The following IBA57 variants were observed in gnomAD, a reference collection of about 807,000 sequenced individuals.
IBA57 encodes the protein iron-sulfur cluster assembly factor IBA57, also known as iron-sulfur cluster assembly factor IBA57, mitochondrial.
In IBA57, 20 loss-of-function variants were observed where a neutral mutation model predicts 20.4. The observed-to-expected ratio is 0.98, with a 90% CI of 0.69 to 1.42. The LOEUF (loss-of-function observed/expected upper bound fraction) is 1.42. Ranked by LOEUF, IBA57 falls within the 40% of genes most tolerant of loss-of-function variation. The pLI is 0.00. For synonymous variants in IBA57, 310 were observed against 233.9 expected, an observed-to-expected ratio of 1.33 and a Z score of -2.97; for missense variants, 608 against 499.3, an observed-to-expected ratio of 1.22 and a Z score of -2.07.
In IBA57 at chr1:228,166,061, G is replaced by T; in HGVS notation, c.245G>T (p.Ser82Ile). The T allele has an allele frequency of 6.5e-7, 1 of 1,538,056 alleles. No individual in the cohort carries two copies. The stretch of plus-strand genomic sequence containing the variant: ...CTGACCAATGAACTGCCGCTTCCGA[G>T]TCCTGCGGCCGCGGGGGCCCCGCCT... The part of the protein sequence containing the change: ...GLLTNELPLP[S>I]PAAAGAPPAA... The change falls in exon 1 of 3, where the codon AGT becomes ATT. Residue 82 changes from serine to isoleucine, a missense_variant. By Grantham distance (142) the Ser-to-Ile change is moderately radical. Coordinates refer to ENST00000366711, the MANE Select transcript of IBA57 (RefSeq NM_001010867.4).
At chr1:228,169,728 A>C (rs1183888609) in intron 1 of IBA57, among the ~76,000 whole-genome samples, 1 of 152,132 alleles carries the variant, frequency 6.6e-6, no homozygotes, top group Non-Finnish European at 1.5e-5. Flanking sequence ...GCCACCACTG[A>C]TGTTTTCAGT....
chr1:228,175,221 A>G lies in IBA57; in HGVS notation c.779A>G (p.Tyr260Cys), dbSNP rs756731548. Residue 260 changes from tyrosine (Y) to cysteine (C), a missense_variant, in exon 3 of 3, where the codon TAC (tyrosine) becomes TGC (cysteine). Physicochemically the swap from Tyr to Cys is radical, Grantham distance 194 (BLOSUM62 -2). Coordinates refer to ENST00000366711, the MANE Select transcript of IBA57 (RefSeq NM_001010867.4). ...GGCGTGAGCTTCACCAAAGGCTGCT[A>G]CATTGGCCAGGAGCTGACGGCCCGC... The part of the protein sequence containing the change: ...MNGVSFTKGC[Y>C]IGQELTARTH... 5 of 1,612,848 alleles carry G rather than the reference A, an allele frequency of 3.1e-6. No individual in the cohort carries two copies. In the South Asian group the frequency reaches 4.4e-5, roughly 14 times the overall value.
Position 228,176,857 on chromosome 1 carries a change from A to T in IBA57, c.*1344A>T, listed in dbSNP as rs4653914. ...GACGGGAGGAAGCGGCTGCAGCTGG[A>T]GGGAAGAGAGGGGCCGTCCAGCCTC... On this transcript the variant is annotated 3_prime_UTR_variant, in exon 3 of 3. Transcript: ENST00000366711. 9,905 of 152,506 alleles carry T rather than the reference A, an allele frequency of 0.065. 410 individuals are homozygous for T. The highest frequency in any genetic ancestry group is 0.2 in the East Asian group (1,027 of 5,170). 9.4% of individuals were successfully genotyped at this position (152,506 alleles called of 1,614,324 possible).
rs1022948637 is a variant in IBA57 at position 228,182,094 on chromosome 1, G to A, written c.*6581G>A. 6.6e-6 allele frequency: 1 copy of A among 152,164 alleles called. No homozygotes were observed. The highest frequency in any genetic ancestry group is 1.5e-5 in the Non-Finnish European group (1 of 68,040). 9.4% of individuals were successfully genotyped at this position (152,164 alleles called of 1,614,324 possible). A position where few individuals can be genotyped will look rare whatever the true frequency, so the allele number is the denominator to read the frequency against. On this transcript the variant is annotated 3_prime_UTR_variant, in exon 3 of 3. Coordinates refer to ENST00000366711, the MANE Select transcript of IBA57 (RefSeq NM_001010867.4). ...TTTTGTTTTATGTCAGACTCTCTCA[G>A]TGAGAAGTTCTCAGGGACAATAATA... is the stretch of plus-strand genomic sequence containing the variant.
Position 228,177,090 on chromosome 1 carries a change from C to T in IBA57, c.*1577C>T, listed in dbSNP as rs1264235615. On this transcript the variant is annotated 3_prime_UTR_variant, in exon 3 of 3. Transcript: ENST00000366711. Reference sequence around the variant, plus strand: ...AACTGGCATGGAGACATTTGATCAGCTTCCCAGCCAGTTTTCTCTCCAGCT... The same window carrying T: ...AACTGGCATGGAGACATTTGATCAGTTTCCCAGCCAGTTTTCTCTCCAGCT... The T allele has an allele frequency of 1.3e-5, 2 of 152,330 alleles. No individual in the cohort carries two copies. Among genetic ancestry groups the T allele is most frequent in the African/African-American group, 4.8e-5 (2 of 41,480 alleles). 9.4% of individuals were successfully genotyped at this position (152,330 alleles called of 1,614,324 possible).
At position 228,170,121 on chromosome 1, in the gene IBA57, G is replaced by C. The variant is rs1024768644; in HGVS notation, c.341+3964G>C. ...ACTGACCTCATGATCCGCCCGCCTCGGCCTCCCAAAGTGCTGGGATTACAG... is the reference window on the plus strand; with the variant it reads ...ACTGACCTCATGATCCGCCCGCCTCCGCCTCCCAAAGTGCTGGGATTACAG... On this transcript the variant is annotated intron_variant, in intron 1 of 2. Coordinates refer to ENST00000366711, the MANE Select transcript of IBA57 (RefSeq NM_001010867.4). The surrounding 1 kb of genome is among the most constrained non-coding windows in gnomAD (Gnocchi z 4.8). Among the ~76,000 whole-genome samples, 1 of 152,018 alleles carries C rather than the reference G, an allele frequency of 6.6e-6. No homozygotes were observed. The highest frequency in any genetic ancestry group is 2.4e-5 in the African/African-American group (1 of 41,396).
intron 1 of IBA57, 42 bp from the exon 2 acceptor site, chr1:228,174,650 C>T: frequency 6.8e-7 from 1 of 1,471,646 alleles, no homozygotes; most frequent in Non-Finnish European, 9.0e-7. Context: ...CTGGCCCACT[C>T]AGTTGGTGAG....
At position 228,170,376 on chromosome 1, in the gene IBA57, A is replaced by G. The variant is rs972572362; in HGVS notation, c.341+4219A>G. Among the ~76,000 whole-genome samples the G allele has an allele frequency of 1.5e-4, 23 of 152,118 alleles. No individual in the cohort carries two copies. Among genetic ancestry groups the G allele is most frequent in the African/African-American group, 5.6e-4 (23 of 41,420 alleles). On this transcript the variant is annotated intron_variant, in intron 1 of 2. Coordinates refer to ENST00000366711, the MANE Select transcript of IBA57 (RefSeq NM_001010867.4). This position sits in a 1 kb window ranked among gnomAD's most constrained non-coding sequence, Gnocchi z 4.8. ...GACACAGGGTCTCGCTCCATTGCCCAGGCTGGAGTGCAGTGGCACAGTTGT... is the reference window on the plus strand; with the variant it reads ...GACACAGGGTCTCGCTCCATTGCCCGGGCTGGAGTGCAGTGGCACAGTTGT...
Position 228,175,333 on chromosome 1 carries a change from C to T in IBA57, c.891C>T (p.Ala297=). Residue 297 remains alanine, a synonymous_variant, in exon 3 of 3, where the codon GCC becomes GCT. Transcript: ENST00000366711. ...PLPTSGITPG[A]TVLTASGQTV... is the part of the protein sequence containing the mutation. ...CCACCAGTGGCATCACCCCTGGTGC[C>T]ACGGTGCTGACTGCCTCAGGACAGA... The T allele has an allele frequency of 6.2e-7, 1 of 1,612,984 alleles. No homozygotes were observed. The highest frequency in any genetic ancestry group is 2.2e-5 in the East Asian group (1 of 44,884).
chr1:228,174,709 A>T lies in IBA57; in HGVS notation c.359A>T (p.Glu120Val). 6.3e-7 allele frequency: 1 copy of T among 1,576,134 alleles called. No individual in the cohort carries two copies. Among genetic ancestry groups the T allele is most frequent in the Non-Finnish European group, 8.6e-7 (1 of 1,163,074 alleles). ...VILYGLQEHS[E>V]VSGFLLECDS... ...CCCTGCAGGCTCCAGGAACACTCGG[A>T]GGTGTCTGGCTTCCTTCTGGAGTGT... is the stretch of plus-strand genomic sequence containing the variant. Residue 120 changes from glutamate (E) to valine (V), a missense_variant, in exon 2 of 3, where the codon GAG (glutamate) becomes GTG (valine). Coordinates refer to ENST00000366711, the MANE Select transcript of IBA57 (RefSeq NM_001010867.4).
chr1:228,168,975 C>CT (rs2034889504), intron 1 of IBA57, among the ~76,000 whole-genome samples: 1 of 152,200 alleles, frequency 6.6e-6, no homozygotes, highest in African/African-American at 2.4e-5. Flanking sequence ...CCTTGAGTGT[C>CT]TCCCCAGGGG....
chr1:228,175,691 C>G lies in IBA57; in HGVS notation c.*178C>G, dbSNP rs528933599. 1.4e-6 allele frequency: 1 copy of G among 712,616 alleles called. No homozygotes were observed. Among genetic ancestry groups the G allele is most frequent in the East Asian group, 3.0e-5 (1 of 33,106 alleles). The allele number at this position is 712,616 out of a possible 1,614,324, so 44.1% of individuals were successfully genotyped here. ...CTGGCCCCACCCATGCTCAGGGGCC[C>G]CAGGCACGTGGGTTGTTTTCTCCCT... On this transcript the variant is annotated 3_prime_UTR_variant, in exon 3 of 3. Transcript: ENST00000366711.
intron 1 of IBA57, among the ~76,000 whole-genome samples, chr1:228,168,650 T>G (rs1386462096): frequency 6.6e-6 from 1 of 152,084 alleles, no homozygotes; most frequent in Non-Finnish European, 1.5e-5. Flanking sequence ...CAGGAGGAGT[T>G]AATTTTCTTC....
rs2034993691 is a variant in IBA57, at chr1:228,175,175, T to G, written c.733T>G (p.Ser245Ala). ...LPPGVALPLE[S>A]NLAFMNGVSF... ...TCCTGGGGTGGCCCTGCCCCTGGAGTCCAACCTGGCCTTCATGAACGGCGT... is the reference window on the plus strand; with the variant it reads ...TCCTGGGGTGGCCCTGCCCCTGGAGGCCAACCTGGCCTTCATGAACGGCGT... The change falls in exon 3 of 3, where the codon TCC (serine) becomes GCC (alanine). Residue 245 changes from serine (S) to alanine (A), a missense_variant. By Grantham distance (99) the Ser-to-Ala change is moderately conservative. Transcript: ENST00000366711. The G allele has an allele frequency of 6.2e-7, 1 of 1,612,154 alleles. No homozygotes were observed. Among genetic ancestry groups the G allele is most frequent in the Non-Finnish European group, 8.5e-7 (1 of 1,179,776 alleles).
Position 228,175,048 on chromosome 1 carries a change from C to T in IBA57, c.679+19C>T, listed in dbSNP as rs1452963772. On this transcript the variant is annotated intron_variant, in intron 2 of 2. Transcript: ENST00000366711. Reference sequence around the variant, plus strand: ...CTGCAAGGTATGGGTGGGGTGGGCACGCTGGGCTGGATTGCACGGGTGGAG... The same window carrying T: ...CTGCAAGGTATGGGTGGGGTGGGCATGCTGGGCTGGATTGCACGGGTGGAG... 5 of 1,561,614 alleles carry T rather than the reference C, an allele frequency of 3.2e-6. No homozygotes were observed. The highest frequency in any genetic ancestry group is 1.4e-5 in the African/African-American group (1 of 73,920).
chr1:228,166,215 C>CGGCACCCAGGGACAGGGCG, intron 1 of IBA57, 58 bp downstream of exon 1: 1 of 1,020,250 alleles, frequency 9.8e-7, no homozygotes, highest in Non-Finnish European at 1.2e-6. Flanking sequence ...GGCCAGGGAC[C>CGGCACCCAGGGACAGGGCG]GGCACCCAGG....
intron 1 of IBA57, chr1:228,172,765 G>A (rs1457742201): frequency 6.6e-6 from 1 of 152,326 alleles, no homozygotes; most frequent in African/African-American, 2.4e-5. Context: ...CAGCATGCCA[G>A]TGACCTGGTT....
Position 228,176,624 on chromosome 1 carries a change from CT to C in IBA57, c.*1112del, listed in dbSNP as rs982723461. 4 of 152,412 alleles carry C rather than the reference CT, an allele frequency of 2.6e-5. No homozygotes were observed. The highest frequency in any genetic ancestry group is 9.6e-5 in the African/African-American group (4 of 41,468). 9.4% of individuals were successfully genotyped at this position (152,412 alleles called of 1,614,324 possible). A position where few individuals can be genotyped will look rare whatever the true frequency, so the allele number is the denominator to read the frequency against. On this transcript the variant is annotated 3_prime_UTR_variant, in exon 3 of 3. Coordinates refer to ENST00000366711, the MANE Select transcript of IBA57 (RefSeq NM_001010867.4). ...AGCTGTCGGCTGCAGGGCGCAGGGC[CT>C]GGGGGGCAGGCGTTTGGGCCACCAA...
rs2035002992 is a variant in IBA57 at position 228,175,496 on chromosome 1, C to T, written c.1054C>T (p.Pro352Ser). The change falls in exon 3 of 3, where the codon CCT becomes TCT. Residue 352 changes from proline (P) to serine (S), a missense_variant. Physicochemically the swap from Pro to Ser is moderately conservative, Grantham distance 74 (BLOSUM62 -1). Coordinates refer to ENST00000366711, the MANE Select transcript of IBA57 (RefSeq NM_001010867.4). ...AGCCGCATCTGTGCCAGACTGGTGG[C>T]CTACAGTCTCCAAGTAGTCCGAAGC... ...ALAASVPDWW[P>S]TVSK 1.9e-6 allele frequency: 3 copies of T among 1,575,170 alleles called. No individual in the cohort carries two copies. Among genetic ancestry groups the T allele is most frequent in the East Asian group, 2.2e-5 (1 of 44,462 alleles).
Sources: allele counts gnomAD v4.1 joint callset (sites outside exome capture counted in the v4.1 genomes callset), GRCh38; gene constraint gnomAD v4.1.1; non-coding constraint Gnocchi (gnomAD v3.1); transcripts MANE v1.5; gene names NCBI Gene and HGNC (gene_info 2026-07-23, HGNC 2026-07-21).